The following STXBP5L variants were observed in gnomAD, a reference collection of about 807,000 sequenced individuals.
The protein encoded by STXBP5L is syntaxin binding protein 5L, also known as syntaxin-binding protein 5-like.
STXBP5L carries 65 observed loss-of-function variants against 144.5 expected under a neutral mutation model. The observed-to-expected ratio is 0.45, with a 90% CI of 0.37 to 0.55. The LOEUF (loss-of-function observed/expected upper bound fraction) is 0.55. Among genes scored for constraint, STXBP5L ranks in the 20% least tolerant of loss-of-function variants. The pLI is 0.00. For missense variants in STXBP5L, 1,298 were observed against 1,405.5 expected (o/e 0.92, Z 1.22); for synonymous variants, 505 against 469.6 (o/e 1.08, Z -0.97).
At chr3:120,943,806 A>G (rs1158904811) in intron 2 of STXBP5L, among the ~76,000 whole-genome samples, 2 of 149,872 alleles carry the variant, frequency 1.3e-5, no homozygotes, top group African/African-American at 4.9e-5. Flanking sequence ...CCAGGAAACA[A>G]CTGTTTTCTT....
At chr3:121,388,162 G>A (rs1035651040) in intron 22 of STXBP5L, among the ~76,000 whole-genome samples, 2 of 151,900 alleles carry the variant, frequency 1.3e-5, no homozygotes, top group African/African-American at 2.4e-5. Context: ...TGTAGCAATT[G>A]TGAATGGGAG....
chr3:121,053,909 C>A (rs969973852), intron 5 of STXBP5L, among the ~76,000 whole-genome samples: 3 of 152,018 alleles, frequency 2.0e-5, no homozygotes, highest in African/African-American at 7.3e-5. Flanking sequence ...AAACAAACAA[C>A]CCCATCAAAA....
Position 121,396,589 on chromosome 3 carries a change from C to T in STXBP5L, c.2588-10654C>T, listed in dbSNP as rs183453141. ...CCAAAGAGAGTTAGGTTCCAATCCT[C>T]GAGGATTAACTCCTCCTGTAAAAGA... is the stretch of plus-strand genomic sequence containing the variant. On this transcript the variant is annotated intron_variant, in intron 22 of 26. Coordinates refer to ENST00000471454, the MANE Select transcript of STXBP5L (RefSeq NM_001308330.2). Among the ~76,000 whole-genome samples, 28 of 152,274 alleles carry T rather than the reference C, an allele frequency of 1.8e-4. No individual in the cohort carries two copies. In the East Asian group the frequency reaches 2.7e-3, roughly 15 times the overall value.
intron 5 of STXBP5L, among the ~76,000 whole-genome samples, chr3:121,094,444 G>A (rs10934541): frequency 0.47 from 71,663 of 151,204 alleles, 17,605 homozygotes; most frequent in African/African-American, 0.56. Context: ...TGCTTTATGA[G>A]TCTGGGTGCT....
At chr3:121,114,218 C>G (rs1486684621) in intron 5 of STXBP5L, among the ~76,000 whole-genome samples, 2 of 152,048 alleles carry the variant, frequency 1.3e-5, no homozygotes, top group African/African-American at 2.4e-5. Context: ...GGCTATGGAA[C>G]AGGTCCTAGA....
chr3:121,044,697 T>C (rs1311120492), intron 4 of STXBP5L, among the ~76,000 whole-genome samples: 3 of 152,100 alleles, frequency 2.0e-5, no homozygotes, highest in Non-Finnish European at 4.4e-5. Flanking sequence ...GTCAAATAAA[T>C]AGTTTAAGCA....
At chr3:120,996,765 A>G (rs1273812022) in intron 3 of STXBP5L, among the ~76,000 whole-genome samples, 3 of 152,052 alleles carry the variant, frequency 2.0e-5, no homozygotes, top group East Asian at 1.9e-4. Context: ...ACATTCATCC[A>G]TGTTGTTGCA....
intron 9 of STXBP5L, among the ~76,000 whole-genome samples, chr3:121,171,391 C>G (rs2046711669): frequency 6.6e-6 from 1 of 152,060 alleles, no homozygotes; most frequent in African/African-American, 2.4e-5. Context: ...AAAGGGTATT[C>G]AAATAGGAAG....
intron 3 of STXBP5L, among the ~76,000 whole-genome samples, chr3:121,017,574 G>A (rs573902632): frequency 1.3e-5 from 2 of 152,332 alleles, no homozygotes; most frequent in East Asian, 3.9e-4. Context: ...GAACTAACAA[G>A]TGATTTCAGC....
At chr3:121,125,802 T>C (rs2044677488) in intron 7 of STXBP5L, among the ~76,000 whole-genome samples, 1 of 152,118 alleles carries the variant, frequency 6.6e-6, no homozygotes, top group African/African-American at 2.4e-5. Context: ...CAATCTGGCT[T>C]CCATAACACA....
intron 2 of STXBP5L, among the ~76,000 whole-genome samples, chr3:120,938,482 A>G (rs1016043465): frequency 2.0e-5 from 3 of 152,216 alleles, no homozygotes; most frequent in African/African-American, 7.2e-5. Context: ...TTTTTGATAT[A>G]TGCGACCAAA....
rs543528727 is a variant in STXBP5L, at chr3:121,323,285, G to A, written c.2176+4745G>A. ...TTTCAAGGCCAGTGTTCACAATGGT[G>A]TTTCCTAGGTTTTCTTCTAGGATTC... On this transcript the variant is annotated intron_variant, in intron 20 of 26. Transcript: ENST00000471454. 3.1e-3 allele frequency among the ~76,000 whole-genome samples: 469 copies of A among 152,194 alleles called. 5 individuals carry two copies. Among genetic ancestry groups the A allele is most frequent in the African/African-American group, 0.011 (450 of 41,546 alleles).
At chr3:121,013,475 G>C (rs1206118082) in intron 3 of STXBP5L, among the ~76,000 whole-genome samples, 1 of 151,934 alleles carries the variant, frequency 6.6e-6, no homozygotes, top group Non-Finnish European at 1.5e-5. Context: ...TATGTTTGTT[G>C]GGTGCTTGTA....
intron 14 of STXBP5L, among the ~76,000 whole-genome samples, 186 bp downstream of exon 14, chr3:121,240,693 A>G (rs1307460339): frequency 6.6e-6 from 1 of 152,218 alleles, no homozygotes; most frequent in Admixed American, 6.5e-5. Context: ...TGGAAACATA[A>G]TAACAGAAAA....
intron 3 of STXBP5L, among the ~76,000 whole-genome samples, chr3:121,010,003 A>G (rs1421543978): frequency 6.6e-6 from 1 of 151,942 alleles, no homozygotes; most frequent in Non-Finnish European, 1.5e-5. Flanking sequence ...GACATGTTCT[A>G]GTAAAGATAC....
Position 121,233,669 on chromosome 3 carries a change from G to T in STXBP5L, c.1165G>T (p.Val389Phe), listed in dbSNP as rs753298217. Residue 389 changes from valine to phenylalanine, a missense_variant, in exon 12 of 27, where the codon GTT (valine) becomes TTT (phenylalanine). Coordinates refer to ENST00000471454, the MANE Select transcript of STXBP5L (RefSeq NM_001308330.2). Reference protein sequence around the residue: ...VVLLEKDLIVVDLTQSNFPIF... With the variant: ...VVLLEKDLIVFDLTQSNFPIF... The stretch of plus-strand genomic sequence containing the variant: ...ACTTCTGGAGAAAGATCTCATTGTA[G>T]TTGATCTGACACAAAGCAAGTAAGT... The T allele has an allele frequency of 5.0e-6, 8 of 1,612,084 alleles. No individual in the cohort carries two copies. In the East Asian group the frequency reaches 1.6e-4, roughly 32 times the overall value.
chr3:121,204,408 A>G (rs1364106773), intron 9 of STXBP5L, among the ~76,000 whole-genome samples: 1 of 152,198 alleles, frequency 6.6e-6, no homozygotes, highest in South Asian at 2.1e-4. Context: ...TTTCTTCTTT[A>G]GTCAACATAG....
intron 22 of STXBP5L, among the ~76,000 whole-genome samples, chr3:121,393,086 A>G (rs1235028615): frequency 1.3e-5 from 2 of 151,982 alleles, no homozygotes; most frequent in African/African-American, 2.4e-5. Flanking sequence ...CATCTTTGCC[A>G]AAGTCTATTT....
chr3:121,136,714 G>A (rs558234441), intron 7 of STXBP5L, among the ~76,000 whole-genome samples: 1 of 152,266 alleles, frequency 6.6e-6, no homozygotes, highest in East Asian at 1.9e-4. Flanking sequence ...TGATCCAAGA[G>A]TGTCATTGCT....
Sources: allele counts gnomAD v4.1 joint callset (sites outside exome capture counted in the v4.1 genomes callset), GRCh38; gene constraint gnomAD v4.1.1; transcripts MANE v1.5; gene names NCBI Gene and HGNC (gene_info 2026-07-23, HGNC 2026-07-21).